RIMS2: variants seen among roughly 807,000 people sequenced by gnomAD.
RIMS2 encodes regulating synaptic membrane exocytosis 2.
Under a neutral mutation model 174.4 loss-of-function variants are expected in RIMS2, and 59 were observed. That is an observed-to-expected ratio of 0.34 (90% CI 0.27 to 0.42). The LOEUF is 0.42. Among genes scored for constraint, RIMS2 ranks in the 10% least tolerant of loss-of-function variants. RIMS2 has a pLI of 1.00. For missense variants in RIMS2, 1,620 were observed against 1,666.3 expected (o/e 0.97, Z 0.48); for synonymous variants, 606 against 572.5 (o/e 1.06, Z -0.84).
At chr8:103,664,040 T>G (rs1564202319) in intron 1 of RIMS2, among the ~76,000 whole-genome samples, 1 of 152,256 alleles carries the variant, frequency 6.6e-6, no homozygotes, top group Non-Finnish European at 1.5e-5. Context: ...AAGGATTCCC[T>G]ATTTAATCAA....
Position 104,114,323 on chromosome 8 carries a change from C to T in RIMS2, c.3334+99708C>T, listed in dbSNP as rs529876629. 9.2e-5 allele frequency among the ~76,000 whole-genome samples: 14 copies of T among 151,862 alleles called. No homozygotes were observed. The East Asian group carries it at 1.5e-3, about 17-fold the overall frequency. Reference sequence around the variant, plus strand: ...TTTCACTTGCTATATACTAGTTTCTCGATTTGTGGTTATTACACAATTTGG... The same window carrying T: ...TTTCACTTGCTATATACTAGTTTCTTGATTTGTGGTTATTACACAATTTGG... On this transcript the variant is annotated intron_variant, in intron 19 of 23. Transcript: ENST00000504942.
chr8:104,122,579 G>A (rs1185823749), intron 19 of RIMS2, among the ~76,000 whole-genome samples: 3 of 152,102 alleles, frequency 2.0e-5, no homozygotes, highest in Admixed American at 2.0e-4. Flanking sequence ...AGTTTTGAGT[G>A]GATGAAGAGT....
In RIMS2 at chr8:103,676,841, A is replaced by G. The variant is rs180924176; in HGVS notation, c.177-20245A>G. The stretch of plus-strand genomic sequence containing the variant: ...CTACTAAAAATGCAAAAAATTAGCC[A>G]GGCATGGTGGCGCATGCCTGTAATT... On this transcript the variant is annotated intron_variant, in intron 1 of 23. Transcript: ENST00000504942. 3.5e-4 allele frequency among the ~76,000 whole-genome samples: 53 copies of G among 152,198 alleles called. 1 individual carries two copies. The South Asian group carries it at 3.5e-3, about 10-fold the overall frequency.
chr8:103,712,188 T>A (rs1024774413), intron 2 of RIMS2, among the ~76,000 whole-genome samples: 24 of 140,554 alleles, frequency 1.7e-4, no homozygotes, highest in African/African-American at 2.8e-4. Flanking sequence ...TTTTTTTTTT[T>A]AAATAGAGAC....
intron 14 of RIMS2, among the ~76,000 whole-genome samples, chr8:103,943,360 A>T (rs575076023): frequency 6.6e-6 from 1 of 152,306 alleles, no homozygotes; most frequent in East Asian, 1.9e-4. Context: ...GAAACCATGA[A>T]CTTTAATTCC....
chr8:103,953,121 G>A (rs527985286), intron 14 of RIMS2, among the ~76,000 whole-genome samples: 1 of 152,220 alleles, frequency 6.6e-6, no homozygotes. Flanking sequence ...CCAAATCTAT[G>A]TTTGATTGGT....
intron 15 of RIMS2, among the ~76,000 whole-genome samples, chr8:103,974,168 C>T (rs893802453): frequency 1.3e-5 from 2 of 152,164 alleles, no homozygotes; most frequent in Non-Finnish European, 2.9e-5. Context: ...TTCCTGAGGG[C>T]ACTACTTCAC....
chr8:104,166,476 G>C (rs1044687844), intron 19 of RIMS2, among the ~76,000 whole-genome samples: 8 of 152,146 alleles, frequency 5.3e-5, no homozygotes, highest in Non-Finnish European at 8.8e-5. Context: ...CAGAAGTGTA[G>C]AGTAAGTTCA....
intron 19 of RIMS2, among the ~76,000 whole-genome samples, chr8:104,243,384 A>G (rs902600456): frequency 6.6e-6 from 1 of 152,334 alleles, no homozygotes; most frequent in Middle Eastern, 3.4e-3. Flanking sequence ...GCAAATATTT[A>G]TAGACCTAAA....
intron 19 of RIMS2, among the ~76,000 whole-genome samples, chr8:104,028,228 GT>G (rs2096300362): frequency 6.6e-6 from 1 of 151,980 alleles, no homozygotes; most frequent in Non-Finnish European, 1.5e-5. Flanking sequence ...TTTGCTACAT[GT>G]TGTGATGAAG....
intron 22 of RIMS2, 54 bp from the exon 29 acceptor site, chr8:104,250,970 C>G (rs1454599954): frequency 6.6e-6 from 10 of 1,513,120 alleles, no homozygotes; most frequent in Non-Finnish European, 8.2e-6. Context: ...CGTGCGTCGG[C>G]CATTTCATGT....
intron 3 of RIMS2, among the ~76,000 whole-genome samples, chr8:103,849,688 G>T (rs1367907575): frequency 6.6e-6 from 1 of 152,000 alleles, no homozygotes; most frequent in Non-Finnish European, 1.5e-5. Context: ...CCAGTTCTCT[G>T]CAGAAGGGAA....
At position 103,651,513 on chromosome 8, in the gene RIMS2, C is replaced by T. The variant is rs145008385; in HGVS notation, c.177-45573C>T. On this transcript the variant is annotated intron_variant, in intron 1 of 23. Coordinates refer to ENST00000504942, the Ensembl canonical transcript of RIMS2. ...ATTAGAAAGTAGTTTTTTCTATATG[C>T]TATTTTAGATAAGACTTTATTGAAC... is the stretch of plus-strand genomic sequence containing the variant. 6.2e-3 allele frequency among the ~76,000 whole-genome samples: 938 copies of T among 152,236 alleles called. 12 individuals are homozygous for T. Among genetic ancestry groups the T allele is most frequent in the African/African-American group, 0.021 (888 of 41,548 alleles).
At chr8:103,519,790 C>T (rs933800700) in intron 1 of RIMS2, among the ~76,000 whole-genome samples, 1 of 145,162 alleles carries the variant, frequency 6.9e-6, no homozygotes, top group African/African-American at 2.6e-5. Context: ...AGAAACATTA[C>T]GGTTTAGACT....
intron 2 of RIMS2, 66 bp downstream of exon 4, chr8:103,697,362 G>C: frequency 2.4e-6 from 3 of 1,230,716 alleles, no homozygotes; most frequent in Non-Finnish European, 3.6e-6. Flanking sequence ...TCACGTTAGA[G>C]AGTATGTTAA....
intron 19 of RIMS2, among the ~76,000 whole-genome samples, chr8:104,179,897 C>T (rs913273471): frequency 1.3e-5 from 2 of 151,744 alleles, no homozygotes; most frequent in African/African-American, 4.8e-5. Flanking sequence ...AAAGATAACC[C>T]CTGTTAACAT....
chr8:103,697,503 G>A (rs1459241641), intron 2 of RIMS2, among the ~76,000 whole-genome samples: 1 of 149,318 alleles, frequency 6.7e-6, no homozygotes, highest in African/African-American at 2.5e-5. Flanking sequence ...TAGCCCAGGA[G>A]TTCTAGACTA....
rs542912687 is a variant in RIMS2, at chr8:104,112,424, A to G, written c.3334+97809A>G. Among the ~76,000 whole-genome samples, 90 of 152,180 alleles carry G rather than the reference A, an allele frequency of 5.9e-4. 3 individuals are homozygous for G. In the South Asian group the frequency reaches 0.018, roughly 30 times the overall value. Reference sequence around the variant, plus strand: ...GTATAACATATGGCATTCCTATACTATATAGATATATTTCTATATAATACC... The same window carrying G: ...GTATAACATATGGCATTCCTATACTGTATAGATATATTTCTATATAATACC... On this transcript the variant is annotated intron_variant, in intron 19 of 23. Transcript: ENST00000504942.
rs146481403 is a variant in RIMS2, at chr8:104,071,648, G to A, written c.3334+57033G>A. ...AGACGGGGTTTCACCGTGTTAGCCA[G>A]GATGGTCTCAATCTACTGACCTCGT... is the stretch of plus-strand genomic sequence containing the variant. On this transcript the variant is annotated intron_variant, in intron 19 of 23. Coordinates refer to ENST00000504942, the Ensembl canonical transcript of RIMS2. 9.4e-3 allele frequency among the ~76,000 whole-genome samples: 1,434 copies of A among 152,214 alleles called. 8 individuals carry two copies. The highest frequency in any genetic ancestry group is 0.019 in the Admixed American group (284 of 15,290).
Sources: gnomAD v4.1 joint callset for allele counts (sites outside exome capture counted in the v4.1 genomes callset) on GRCh38, gnomAD v4.1.1 for gene constraint, MANE v1.5 for transcripts, NCBI Gene and HGNC (gene_info 2026-07-23, HGNC 2026-07-21) for gene names.